Variants in ABHD12B observed in about 807,000 individuals in gnomAD.
ABHD12B encodes protein ABHD12B.
Under a neutral mutation model 50.4 loss-of-function variants are expected in ABHD12B, and 42 were observed. That is an observed-to-expected ratio of 0.83 (90% CI 0.65 to 1.08). The LOEUF is 1.08. Among genes scored for constraint, ABHD12B ranks in the 50% least tolerant of loss-of-function variants. The pLI is 0.00. For missense variants in ABHD12B, 479 were observed against 447.7 expected (o/e 1.07, Z -0.63); for synonymous variants, 167 against 160.3 (o/e 1.04, Z -0.32).
intron 10 of ABHD12B, 70 bp downstream of exon 10, chr14:50,901,981 C>A (rs2050265308): frequency 2.0e-6 from 2 of 1,016,162 alleles, no homozygotes; most frequent in Non-Finnish European, 2.9e-6. Context: ...TATCATGTGA[C>A]TTACTGGATG....
intron 5 of ABHD12B, among the ~76,000 whole-genome samples, chr14:50,882,957 T>G: frequency 8.6e-6 from 1 of 115,770 alleles, no homozygotes; most frequent in African/African-American, 3.5e-5. Context: ...AATGACAGAG[T>G]GAGGAGACCC....
chr14:50,889,707 A>G (rs901832242), intron 9 of ABHD12B, among the ~76,000 whole-genome samples: 4 of 152,242 alleles, frequency 2.6e-5, no homozygotes, highest in Admixed American at 6.5e-5. Flanking sequence ...CTAATGCTCA[A>G]TTGTTTAGAG....
intron 9 of ABHD12B, among the ~76,000 whole-genome samples, chr14:50,895,092 C>A (rs1463650309): frequency 6.7e-6 from 1 of 149,890 alleles, no homozygotes; most frequent in Non-Finnish European, 1.5e-5. Context: ...TCTTTTTCAT[C>A]AAATATAAAA....
chr14:50,886,668 A>C lies in ABHD12B; in HGVS notation c.684A>C (p.Lys228Asn). Residue 228 changes from lysine to asparagine, a missense_variant, in exon 8 of 13, where the codon AAA becomes AAC. Physicochemically the swap from Lys to Asn is moderately conservative, Grantham distance 94 (BLOSUM62 0). Transcript: ENST00000337334. Reference protein sequence around the residue: ...LGTGVATNAAKVLEEKGCPVD... With the variant: ...LGTGVATNAANVLEEKGCPVD... ...ACAGAGTTGCAACAAATGCTGCAAA[A>C]GTGCTAGAAGAAAAAGGTAATATAA... 1 of 1,609,302 alleles carries C rather than the reference A, an allele frequency of 6.2e-7. No homozygotes were observed. The highest frequency in any genetic ancestry group is 1.1e-5 in the South Asian group (1 of 90,384).
chr14:50,899,085 C>T (rs1197889304), intron 9 of ABHD12B, among the ~76,000 whole-genome samples: 6 of 152,140 alleles, frequency 3.9e-5, no homozygotes, highest in Admixed American at 6.5e-5. Context: ...CCCAGCTACT[C>T]GGGAGGTTGA....
intron 1 of ABHD12B, 90 bp from the exon 2 acceptor site, chr14:50,877,862 T>G: frequency 1.4e-6 from 1 of 703,066 alleles, no homozygotes; most frequent in Non-Finnish European, 1.9e-6. Context: ...AGCAGAACTC[T>G]GTCCAAAAAA....
chr14:50,890,163 A>G (rs1343904692), intron 9 of ABHD12B, among the ~76,000 whole-genome samples: 1 of 152,218 alleles, frequency 6.6e-6, no homozygotes, highest in Non-Finnish European at 1.5e-5. Context: ...TTGCATATCT[A>G]TCATATTACT....
At chr14:50,894,039 C>T (rs1241402780) in intron 9 of ABHD12B, among the ~76,000 whole-genome samples, 1 of 152,258 alleles carries the variant, frequency 6.6e-6, no homozygotes, top group Non-Finnish European at 1.5e-5. Context: ...CGCAGGGACG[C>T]CTGCCTTGGT....
chr14:50,886,469 A>G (rs891112571), intron 7 of ABHD12B, among the ~76,000 whole-genome samples, 178 bp from the exon 8 acceptor site: 2 of 151,746 alleles, frequency 1.3e-5, no homozygotes, highest in Non-Finnish European at 2.9e-5. Context: ...GAAAGAAAGA[A>G]AGAAAATGAC....
In ABHD12B at chr14:50,886,660, G is replaced by T. The variant is rs1296963280; in HGVS notation, c.676G>T (p.Ala226Ser). ...ATTGCTTTACAGAGTTGCAACAAAT[G>T]CTGCAAAAGTGCTAGAAGAAAAAGG... Reference protein sequence around the residue: ...HSLGTGVATNAAKVLEEKGCP... With the variant: ...HSLGTGVATNSAKVLEEKGCP... The change falls in exon 8 of 13, where the codon GCT becomes TCT. Residue 226 changes from alanine (A) to serine (S), a missense_variant. Physicochemically the swap from Ala to Ser is moderately conservative, Grantham distance 99. Transcript: ENST00000337334. 5 of 1,609,376 alleles carry T rather than the reference G, an allele frequency of 3.1e-6. 1 individual carries two copies. The South Asian group carries it at 5.5e-5, about 18-fold the overall frequency.
At chr14:50,875,833 TA>T (rs2049855900) in intron 1 of ABHD12B, among the ~76,000 whole-genome samples, 1 of 152,170 alleles carries the variant, frequency 6.6e-6, no homozygotes, top group Admixed American at 6.5e-5. Flanking sequence ...AATTATTCCT[TA>T]AAAAACAGAC....
chr14:50,881,913 A>T (rs577829570), intron 5 of ABHD12B, among the ~76,000 whole-genome samples: 2 of 151,688 alleles, frequency 1.3e-5, no homozygotes, highest in East Asian at 3.9e-4. Flanking sequence ...GGGCTGGGGG[A>T]TGGGTTGAGA....
intron 4 of ABHD12B, among the ~76,000 whole-genome samples, chr14:50,880,828 T>C (rs1007405444): frequency 4.6e-5 from 7 of 152,160 alleles, no homozygotes; most frequent in Admixed American, 4.6e-4. Context: ...TCAAAGAAAG[T>C]GATGATTCCT....
At chr14:50,894,771 C>T (rs1462234623) in intron 9 of ABHD12B, among the ~76,000 whole-genome samples, 3 of 149,984 alleles carry the variant, frequency 2.0e-5, no homozygotes, top group Non-Finnish European at 4.4e-5. Context: ...CTTTCCCTCC[C>T]GCCTGTCCCC....
At chr14:50,893,684 A>G in intron 9 of ABHD12B, 1 of 183,038 alleles carries the variant, frequency 5.5e-6, no homozygotes, top group Non-Finnish European at 1.1e-5. Context: ...TCTTTGCTCC[A>G]TGAGAAAAAT....
chr14:50,879,541 T>G (rs1164810802), intron 3 of ABHD12B, among the ~76,000 whole-genome samples: 1 of 152,220 alleles, frequency 6.6e-6, no homozygotes, highest in Non-Finnish European at 1.5e-5. Flanking sequence ...TTCTGTTTAG[T>G]TGTAATACTC....
chr14:50,898,667 T>C (rs1041248534), intron 9 of ABHD12B, among the ~76,000 whole-genome samples: 25 of 152,262 alleles, frequency 1.6e-4, no homozygotes, highest in African/African-American at 5.3e-4. Flanking sequence ...TTGAGATGAA[T>C]TGCTGAAGGA....
At chr14:50,880,626 C>A in intron 4 of ABHD12B, 55 bp downstream of exon 4, 1 of 1,473,380 alleles carries the variant, frequency 6.8e-7, no homozygotes. Context: ...CATTTCAGCC[C>A]CATGGGGGAA....
chr14:50,889,576 T>C (rs1396949498), intron 9 of ABHD12B, among the ~76,000 whole-genome samples: 1 of 152,124 alleles, frequency 6.6e-6, no homozygotes, highest in Non-Finnish European at 1.5e-5. Flanking sequence ...AGGCAGAGGT[T>C]GCAGTGAGCT....
Sources: gnomAD v4.1 joint callset for allele counts (sites outside exome capture counted in the v4.1 genomes callset) on GRCh38, gnomAD v4.1.1 for gene constraint, MANE v1.5 for transcripts, NCBI Gene and HGNC (gene_info 2026-07-23, HGNC 2026-07-21) for gene names.